Variants in KLRF1 observed in about 807,000 individuals in gnomAD.
KLRF1 encodes killer cell lectin like receptor F1.
KLRF1 carries 27 observed loss-of-function variants against 30.7 expected under a neutral mutation model. That is an observed-to-expected ratio of 0.88 (90% confidence interval 0.65 to 1.21). KLRF1 has a LOEUF of 1.21. Ranked by LOEUF, KLRF1 falls within the 50% of genes most tolerant of loss-of-function variation. The probability of loss-of-function intolerance (pLI) is 0.00; values close to 1 mark genes in which losing one functional copy is unlikely to be tolerated. For synonymous variants in KLRF1, 92 were observed against 89.3 expected (o/e 1.03, Z -0.17); for missense variants, 246 against 259.3 (o/e 0.95, Z 0.35).
chr12:9,812,367 GAAAAAAA>G, the KLRF1 span, among the ~76,000 whole-genome samples: 1 of 95,808 alleles, frequency 1.0e-5, no homozygotes. Flanking sequence ...GCCGTCTCAG[GAAAAAAA>G]AAAAAAAAAA....
upstream of KLRF1, among the ~76,000 whole-genome samples, chr12:9,823,509 A>G (rs560949044): frequency 1.3e-5 from 2 of 152,198 alleles, no homozygotes; most frequent in Non-Finnish European, 2.9e-5. Context: ...AAAAACTTAT[A>G]GCGCTAAACG....
chr12:9,805,639 G>C, the KLRF1 span, among the ~76,000 whole-genome samples: 1 of 152,010 alleles, frequency 6.6e-6, no homozygotes, highest in Non-Finnish European at 1.5e-5. Context: ...CACCAGATAA[G>C]TAATCTGGAT....
At chr12:9,816,235 C>T in the KLRF1 span, among the ~76,000 whole-genome samples, 2 of 152,176 alleles carry the variant, frequency 1.3e-5, no homozygotes, top group Admixed American at 1.3e-4. Flanking sequence ...AATAATCTTG[C>T]CATAGGCATT....
rs766843175 is a variant in KLRF1 at position 9,842,401 on chromosome 12, T to C, written c.555T>C (p.Thr185=). Residue 185 remains threonine (T), a synonymous_variant, in exon 5 of 6, where the codon ACT becomes ACC. Transcript: ENST00000617889. The part of the protein sequence containing the change: ...LNFTSLKMTW[T]WVDGSPIDSK... Reference sequence around the variant, plus strand: ...TTACCTCCTTGAAAATGACATGGACTTGGGTGGATGGTTCTCCAATAGATT... The same window carrying C: ...TTACCTCCTTGAAAATGACATGGACCTGGGTGGATGGTTCTCCAATAGATT... 6.2e-7 allele frequency: 1 copy of C among 1,612,498 alleles called. No individual in the cohort carries two copies. Among genetic ancestry groups the C allele is most frequent in the Non-Finnish European group, 8.5e-7 (1 of 1,178,976 alleles).
chr12:9,825,307 T>C (rs1455780382), upstream of KLRF1, among the ~76,000 whole-genome samples: 2 of 145,622 alleles, frequency 1.4e-5, no homozygotes, highest in African/African-American at 5.1e-5. Flanking sequence ...AACACAATGG[T>C]CTAATGCAGA....
chr12:9,822,020 A>G, the KLRF1 span, among the ~76,000 whole-genome samples: 7 of 152,268 alleles, frequency 4.6e-5, no homozygotes, highest in Non-Finnish European at 2.9e-5. Flanking sequence ...TACTGACTAT[A>G]TGCAATCTAC....
the KLRF1 span, among the ~76,000 whole-genome samples, chr12:9,819,692 T>G: frequency 6.6e-6 from 1 of 152,178 alleles, no homozygotes; most frequent in Non-Finnish European, 1.5e-5. Context: ...CCCACCATCC[T>G]TGCTGTCTTA....
At chr12:9,825,638 C>T (rs1259379736), upstream of KLRF1, among the ~76,000 whole-genome samples, 1 of 151,996 alleles carries the variant, frequency 6.6e-6, no homozygotes, top group African/African-American at 2.4e-5. Context: ...AAAGCAATTG[C>T]AACAAAAGTG....
At chr12:9,825,404 A>G (rs762553752), upstream of KLRF1, among the ~76,000 whole-genome samples, 4 of 152,200 alleles carry the variant, frequency 2.6e-5, no homozygotes, top group Admixed American at 6.5e-5. Context: ...AAAACAAGCC[A>G]TGGGAAAAGG....
At chr12:9,814,159 G>A in the KLRF1 span, among the ~76,000 whole-genome samples, 1 of 152,114 alleles carries the variant, frequency 6.6e-6, no homozygotes, top group South Asian at 2.1e-4. Flanking sequence ...CTACACCCCG[G>A]GGGAATCGGC....
chr12:9,822,807 A>C (rs758696868), upstream of KLRF1, among the ~76,000 whole-genome samples: 12 of 152,180 alleles, frequency 7.9e-5, no homozygotes, highest in Non-Finnish European at 1.3e-4. Flanking sequence ...GTAAAAAAAA[A>C]CAGGGTTTGC....
the KLRF1 span, among the ~76,000 whole-genome samples, chr12:9,803,236 G>T: frequency 6.6e-6 from 1 of 152,090 alleles, no homozygotes; most frequent in Non-Finnish European, 1.5e-5. Flanking sequence ...AATAAATGGT[G>T]CTGGGAGAAC....
the KLRF1 span, among the ~76,000 whole-genome samples, chr12:9,820,419 G>A: frequency 3.9e-5 from 6 of 152,312 alleles, no homozygotes; most frequent in Non-Finnish European, 8.8e-5. Context: ...GCCACCCCCT[G>A]CTGTGGCTCT....
At chr12:9,805,933 TA>T in the KLRF1 span, among the ~76,000 whole-genome samples, 1 of 152,230 alleles carries the variant, frequency 6.6e-6, no homozygotes, top group East Asian at 1.9e-4. Context: ...TCAGTCTACC[TA>T]AAGTTTAGTT....
At chr12:9,844,132 T>G (rs1296658693) in intron 5 of KLRF1, among the ~76,000 whole-genome samples, 1 of 152,080 alleles carries the variant, frequency 6.6e-6, no homozygotes, top group Non-Finnish European at 1.5e-5. Context: ...TTAATCTTAT[T>G]TTTAATCTAA....
the KLRF1 span, among the ~76,000 whole-genome samples, chr12:9,819,474 G>A: frequency 6.6e-6 from 1 of 152,092 alleles, no homozygotes; most frequent in Non-Finnish European, 1.5e-5. Context: ...CAAAATCCAA[G>A]GTGACTAAGG....
At chr12:9,843,948 C>A (rs1287231763) in intron 5 of KLRF1, among the ~76,000 whole-genome samples, 1 of 151,972 alleles carries the variant, frequency 6.6e-6, no homozygotes, top group African/African-American at 2.4e-5. Flanking sequence ...GTAAATAATG[C>A]AATAAATATG....
At position 9,841,882 on chromosome 12, in the gene KLRF1, G is replaced by T. The variant is rs1405446335; in HGVS notation, c.405G>T (p.Trp135Cys). 6.2e-7 allele frequency: 1 copy of T among 1,610,976 alleles called. No individual in the cohort carries two copies. Among genetic ancestry groups the T allele is most frequent in the Non-Finnish European group, 8.5e-7 (1 of 1,177,754 alleles). The change falls in exon 4 of 6, where the codon TGG (tryptophan) becomes TGT (cysteine). Residue 135 changes from tryptophan to cysteine, a missense_variant. Trp to Cys is a radical substitution (Grantham distance 215). Coordinates refer to ENST00000617889, the MANE Select transcript of KLRF1 (RefSeq NM_016523.3). ...CYWFSNEMKS[W>C]SDSYVYCLER... is the part of the protein sequence containing the mutation. Reference sequence around the variant, plus strand: ...GGTTCTCTAATGAGATGAAAAGCTGGAGTGACAGTTATGTGTATTGTTTGG... The same window carrying T: ...GGTTCTCTAATGAGATGAAAAGCTGTAGTGACAGTTATGTGTATTGTTTGG...
chr12:9,813,863 G>T, the KLRF1 span, among the ~76,000 whole-genome samples: 3 of 152,206 alleles, frequency 2.0e-5, no homozygotes, highest in Middle Eastern at 6.8e-3. Context: ...CCGAGACTAG[G>T]ATGGGGAGCT....
Sources: gnomAD v4.1 joint callset for allele counts (sites outside exome capture counted in the v4.1 genomes callset) on GRCh38, gnomAD v4.1.1 for gene constraint, MANE v1.5 for transcripts, NCBI Gene and HGNC (gene_info 2026-07-23, HGNC 2026-07-21) for gene names.